Variants in CYP2C18 observed in about 807,000 individuals in gnomAD.
CYP2C18 encodes cytochrome P450 family 2 subfamily C member 18, also known as cytochrome P450 2C18.
A neutral mutation model predicts 41.3 loss-of-function variants in CYP2C18; 38 were observed. The ratio of observed to expected loss-of-function variants is 0.92; its 90% CI spans 0.71 to 1.21. The LOEUF is 1.21. CYP2C18 is among the 50% of genes most tolerant of loss of function. The probability of loss-of-function intolerance (pLI) is 0.00; values close to 1 mark genes in which losing one functional copy is unlikely to be tolerated. For synonymous variants in CYP2C18, 236 were observed against 210.0 expected (o/e 1.12, Z -1.07); for missense variants, 635 against 591.4 (o/e 1.07, Z -0.77).
At chr10:94,691,275 C>T (rs2134176904) in intron 3 of CYP2C18, among the ~76,000 whole-genome samples, 3 of 152,252 alleles carry the variant, frequency 2.0e-5, no homozygotes, top group Middle Eastern at 6.8e-3. Context: ...TAGAAAACCC[C>T]ATCATCTCAG....
chr10:94,686,098 A>G (rs1489536746), intron 1 of CYP2C18, among the ~76,000 whole-genome samples: 1 of 151,866 alleles, frequency 6.6e-6, no homozygotes, highest in East Asian at 1.9e-4. Flanking sequence ...CAGTATATAG[A>G]TCTTTCTCTT....
At chr10:94,692,159 C>G (rs1247848043) in intron 3 of CYP2C18, among the ~76,000 whole-genome samples, 1 of 151,918 alleles carries the variant, frequency 6.6e-6, no homozygotes, top group African/African-American at 2.4e-5. Flanking sequence ...GCAACAAAAG[C>G]CAAAATTGAC....
At chr10:94,692,038 G>T in intron 3 of CYP2C18, among the ~76,000 whole-genome samples, 1 of 152,166 alleles carries the variant, frequency 6.6e-6, no homozygotes, top group Non-Finnish European at 1.5e-5. Context: ...ATGGATTAAA[G>T]ACTTAAATGT....
chr10:94,716,859 G>A lies in CYP2C18; in HGVS notation c.820-3537G>A, dbSNP rs191849253. On this transcript the variant is annotated intron_variant, in intron 5 of 8. Transcript: ENST00000285979. ...CTAAGGACTTGCTTTATGAATCTGG[G>A]TGCTCCTGTATTGGGTGCATATATA... Among the ~76,000 whole-genome samples the A allele has an allele frequency of 2.7e-3, 406 of 152,228 alleles. 1 individual carries two copies. The highest frequency in any genetic ancestry group is 4.5e-3 in the Non-Finnish European group (304 of 68,008).
intron 5 of CYP2C18, among the ~76,000 whole-genome samples, chr10:94,710,157 G>A (rs1847411397): frequency 6.6e-6 from 1 of 152,110 alleles, no homozygotes; most frequent in Admixed American, 6.6e-5. Context: ...TTTTAGCAGA[G>A]ACAGCCTTTC....
chr10:94,719,581 T>G (rs563587555), intron 5 of CYP2C18, among the ~76,000 whole-genome samples: 9 of 152,026 alleles, frequency 5.9e-5, no homozygotes, highest in Admixed American at 2.6e-4. Flanking sequence ...TTTTGATTTT[T>G]ATTTTTTTTT....
At chr10:94,691,749 C>T (rs1265467042) in intron 3 of CYP2C18, among the ~76,000 whole-genome samples, 1 of 152,196 alleles carries the variant, frequency 6.6e-6, no homozygotes, top group Non-Finnish European at 1.5e-5. Flanking sequence ...AAGCTGGAGG[C>T]ATCACACCAC....
Position 94,735,396 on chromosome 10 carries a change from A to G in CYP2C18, c.1425A>G (p.Ala475=), listed in dbSNP as rs149500379. The change falls in exon 9 of 9, where the codon GCA becomes GCG. Residue 475 remains alanine (A), a synonymous_variant. Coordinates refer to ENST00000285979, the MANE Select transcript of CYP2C18 (RefSeq NM_000772.3). ...TTGACATCACCCCCATTGCCAATGC[A>G]TTTGGTCGTGTGCCACCCTTGTACC... The part of the protein sequence containing the change: ...KDIDITPIAN[A]FGRVPPLYQL... 1.4e-5 allele frequency: 22 copies of G among 1,613,574 alleles called. No individual in the cohort carries two copies. Among genetic ancestry groups the G allele is most frequent in the Non-Finnish European group, 1.9e-5 (22 of 1,179,710 alleles).
At chr10:94,693,596 A>ATG (rs1847056682) in intron 3 of CYP2C18, among the ~76,000 whole-genome samples, 1 of 149,870 alleles carries the variant, frequency 6.7e-6, no homozygotes, top group African/African-American at 2.4e-5. Flanking sequence ...GCATGCATGC[A>ATG]CACACACACA....
At chr10:94,684,572 T>C (rs2134171989) in intron 1 of CYP2C18, among the ~76,000 whole-genome samples, 1 of 152,330 alleles carries the variant, frequency 6.6e-6, no homozygotes, top group Non-Finnish European at 1.5e-5. Flanking sequence ...ATTGTACATA[T>C]ATGTCACATA....
intron 5 of CYP2C18, among the ~76,000 whole-genome samples, chr10:94,708,702 C>G (rs997029663): frequency 2.1e-4 from 32 of 152,192 alleles, no homozygotes; most frequent in African/African-American, 7.7e-4. Flanking sequence ...ACATTTCCAT[C>G]ATCCTGAAAA....
chr10:94,698,678 CAATG>C lies in CYP2C18; in HGVS notation c.642+3605_642+3608del, dbSNP rs1847171771. On this transcript the variant is annotated intron_variant, in intron 4 of 8. Transcript: ENST00000285979. ...AGATGCAAAAAACCCTTCAAAAAAT[CAATG>C]AATCCAGGAGCTGGTTTTTTTAAAA... 2.1e-5 allele frequency among the ~76,000 whole-genome samples: 3 copies of C among 145,646 alleles called. No individual in the cohort carries two copies. In the South Asian group the frequency reaches 7.3e-4, roughly 36 times the overall value.
At chr10:94,733,950 G>A (rs1007508533) in intron 8 of CYP2C18, among the ~76,000 whole-genome samples, 5 of 151,974 alleles carry the variant, frequency 3.3e-5, no homozygotes, top group African/African-American at 7.3e-5. Flanking sequence ...CTGCCAGAGG[G>A]GAAAGCGCAG....
chr10:94,685,285 TTGTCTC>T (rs1443222428), intron 1 of CYP2C18, among the ~76,000 whole-genome samples: 21 of 152,156 alleles, frequency 1.4e-4, no homozygotes, highest in African/African-American at 5.1e-4. Flanking sequence ...CCACCCACCT[TTGTCTC>T]TCAAAGTGCT....
intron 3 of CYP2C18, among the ~76,000 whole-genome samples, chr10:94,691,439 T>A (rs1846997065): frequency 6.6e-6 from 1 of 152,034 alleles, no homozygotes; most frequent in Admixed American, 6.6e-5. Context: ...TCAAAGAGAA[T>A]AAAATACCTA....
chr10:94,705,955 C>T (rs1421934370), intron 4 of CYP2C18, among the ~76,000 whole-genome samples: 1 of 152,080 alleles, frequency 6.6e-6, no homozygotes, highest in East Asian at 1.9e-4. Flanking sequence ...AATCCAAGTC[C>T]CTTGTTGAAA....
At chr10:94,703,242 C>T (rs1257695368) in intron 4 of CYP2C18, among the ~76,000 whole-genome samples, 1 of 152,190 alleles carries the variant, frequency 6.6e-6, no homozygotes, top group East Asian at 1.9e-4. Context: ...GCAGTCTGTC[C>T]CTTAGCAGAG....
intron 5 of CYP2C18, among the ~76,000 whole-genome samples, chr10:94,711,233 G>A (rs1441969964): frequency 6.6e-6 from 1 of 151,740 alleles, no homozygotes; most frequent in Non-Finnish European, 1.5e-5. Context: ...ATTCATTCCT[G>A]TGCTTGTTTA....
chr10:94,691,187 A>G (rs181078752), intron 3 of CYP2C18, among the ~76,000 whole-genome samples: 2 of 152,324 alleles, frequency 1.3e-5, no homozygotes, highest in East Asian at 3.9e-4. Context: ...ATCAGGCAGG[A>G]GAAGGAAATA....
Sources: gnomAD v4.1 joint callset for allele counts (sites outside exome capture counted in the v4.1 genomes callset) on GRCh38, gnomAD v4.1.1 for gene constraint, MANE v1.5 for transcripts, NCBI Gene and HGNC (gene_info 2026-07-23, HGNC 2026-07-21) for gene names.